RARB: variants seen among roughly 807,000 people sequenced by gnomAD.
The protein encoded by RARB is HBV-activated protein.
RARB carries 17 observed loss-of-function variants against 51.9 expected under a neutral mutation model. That is an observed-to-expected ratio of 0.33 (90% CI 0.22 to 0.49). The LOEUF (loss-of-function observed/expected upper bound fraction) is 0.49, where lower values mean the gene tolerates loss of function less well. RARB is among the 20% of genes least tolerant of loss of function. RARB has a pLI of 0.99. For missense variants in RARB, 369 were observed against 550.8 expected (o/e 0.67, Z 3.30); for synonymous variants, 215 against 195.4 (o/e 1.10, Z -0.84).
chr3:24,904,381 C>A (rs909012340), intron 2 of RARB, among the ~76,000 whole-genome samples: 14 of 152,130 alleles, frequency 9.2e-5, no homozygotes, highest in African/African-American at 3.4e-4. Context: ...CAAAAGAAGA[C>A]ATTTATGCAG....
At chr3:24,831,424 G>A (rs748796263) in intron 1 of RARB, among the ~76,000 whole-genome samples, 2 of 152,144 alleles carry the variant, frequency 1.3e-5, no homozygotes, top group Non-Finnish European at 2.9e-5. Context: ...CATCTGAGAC[G>A]CCATCAGGGA....
chr3:25,305,545 A>G (rs1278930487), intron 5 of RARB, among the ~76,000 whole-genome samples: 1 of 152,128 alleles, frequency 6.6e-6, no homozygotes, highest in Non-Finnish European at 1.5e-5. Context: ...AGGGTTGAAA[A>G]GTTGTCTTGA....
chr3:25,443,785 G>A (rs1004717487), intron 1 of RARB, among the ~76,000 whole-genome samples: 2 of 151,332 alleles, frequency 1.3e-5, no homozygotes, highest in Admixed American at 1.3e-4. Flanking sequence ...ACAAAAATTA[G>A]CTGGGCGTGG....
intron 2 of RARB, among the ~76,000 whole-genome samples, chr3:25,033,518 T>C (rs890065814): frequency 4.6e-5 from 7 of 152,300 alleles, no homozygotes; most frequent in Non-Finnish European, 2.9e-5. Flanking sequence ...AGAGAAGCTG[T>C]GTCTCTATGT....
At position 25,413,025 on chromosome 3, in the gene RARB, A is replaced by G. The variant is rs533856726; in HGVS notation, c.179-48168A>G. On this transcript the variant is annotated intron_variant, in intron 5 of 11. Transcript: ENST00000383772. ...CAAGAGCAAAATTCCATCTTGGGGGAAAAAAAAAAAAGAAGAAGAAGAAAG... is the reference window on the plus strand; with the variant it reads ...CAAGAGCAAAATTCCATCTTGGGGGGAAAAAAAAAAAGAAGAAGAAGAAAG... 1.8e-3 allele frequency among the ~76,000 whole-genome samples: 258 copies of G among 142,560 alleles called. 2 individuals carry two copies. Among genetic ancestry groups the G allele is most frequent in the African/African-American group, 4.8e-3 (181 of 38,102 alleles). The allele number at this position is 142,560 out of a possible 152,430, so 93.5% of individuals were successfully genotyped here.
intron 5 of RARB, among the ~76,000 whole-genome samples, chr3:25,581,270 CA>C (rs1701162917): frequency 1.3e-5 from 2 of 152,154 alleles, no homozygotes; most frequent in Admixed American, 1.3e-4. Flanking sequence ...AATAAAAAAG[CA>C]ATGTTTTTAT....
intron 2 of RARB, among the ~76,000 whole-genome samples, chr3:25,476,292 A>T (rs1382875433): frequency 6.6e-6 from 1 of 152,194 alleles, no homozygotes; most frequent in Non-Finnish European, 1.5e-5. Flanking sequence ...TTGTTTTCCC[A>T]TAACCATGTG....
At chr3:24,878,732 A>G (rs1041229788) in intron 2 of RARB, among the ~76,000 whole-genome samples, 1 of 152,174 alleles carries the variant, frequency 6.6e-6, no homozygotes, top group African/African-American at 2.4e-5. Context: ...TCTAAAAATC[A>G]ACCAGTTGAG....
chr3:25,396,548 A>G (rs543209259), intron 5 of RARB, among the ~76,000 whole-genome samples: 12 of 152,262 alleles, frequency 7.9e-5, no homozygotes, highest in African/African-American at 2.2e-4. Context: ...AGCTTGCCCT[A>G]AGGTTACCTG....
intron 1 of RARB, 26 bp from the exon 2 acceptor site, chr3:25,461,167 C>T (rs774351273): frequency 6.8e-7 from 1 of 1,464,804 alleles, no homozygotes; most frequent in Admixed American, 2.4e-5. Context: ...TCTCTTTTTT[C>T]TCCCTCTACC....
intron 5 of RARB, among the ~76,000 whole-genome samples, chr3:25,349,781 C>G (rs1043581179): frequency 6.6e-6 from 1 of 152,044 alleles, no homozygotes; most frequent in Admixed American, 6.6e-5. Flanking sequence ...CAAAACTACC[C>G]CCAACATTCA....
intron 2 of RARB, among the ~76,000 whole-genome samples, chr3:25,029,926 A>C (rs939327912): frequency 9.9e-5 from 15 of 152,212 alleles, no homozygotes; most frequent in African/African-American, 3.6e-4. Context: ...CTGCCTGATG[A>C]TGTATGAGAC....
At chr3:25,596,335 T>C (rs1701827578) in intron 7 of RARB, 85 bp from the exon 8 acceptor site, 1 of 1,125,630 alleles carries the variant, frequency 8.9e-7, no homozygotes, top group Admixed American at 2.2e-5. Context: ...ACACCTCTGT[T>C]AAAATATATG....
At chr3:25,578,200 C>T (rs1039682733) in intron 4 of RARB, among the ~76,000 whole-genome samples, 21 of 152,352 alleles carry the variant, frequency 1.4e-4, no homozygotes, top group East Asian at 7.7e-4. Context: ...CTCCATTTGC[C>T]GCAGCTGGAA....
chr3:24,945,749 A>T (rs1695759687), intron 2 of RARB, among the ~76,000 whole-genome samples: 1 of 152,210 alleles, frequency 6.6e-6, no homozygotes, highest in African/African-American at 2.4e-5. Flanking sequence ...AAATAGATGT[A>T]TTTCTTGTTC....
intron 5 of RARB, among the ~76,000 whole-genome samples, chr3:25,201,160 G>C (rs1285932851): frequency 1.3e-5 from 2 of 151,926 alleles, no homozygotes; most frequent in Non-Finnish European, 2.9e-5. Context: ...CTTGTAAGTT[G>C]TGTTCCTGGG....
At chr3:25,576,311 G>C (rs1012823196) in intron 4 of RARB, among the ~76,000 whole-genome samples, 1 of 152,162 alleles carries the variant, frequency 6.6e-6, no homozygotes, top group Non-Finnish European at 1.5e-5. Context: ...TGGCTGGAAG[G>C]CTTCGGCAGG....
At chr3:25,169,112 G>A (rs1011513544) in intron 4 of RARB, among the ~76,000 whole-genome samples, 1 of 152,152 alleles carries the variant, frequency 6.6e-6, no homozygotes, top group African/African-American at 2.4e-5. Context: ...TTAAACATAT[G>A]TGAAGTGCAA....
chr3:25,266,888 C>T (rs981774755), intron 5 of RARB, among the ~76,000 whole-genome samples: 12 of 152,190 alleles, frequency 7.9e-5, no homozygotes, highest in African/African-American at 2.9e-4. Context: ...GAATTCTAGC[C>T]TCCTGAAAAA....
Sources: allele counts gnomAD v4.1 joint callset (sites outside exome capture counted in the v4.1 genomes callset), GRCh38; gene constraint gnomAD v4.1.1; transcripts MANE v1.5; gene names NCBI Gene and HGNC (gene_info 2026-07-23, HGNC 2026-07-21).